Variants in TMEM234 observed in about 807,000 individuals in gnomAD.
The protein encoded by TMEM234 is chromosome 1 open reading frame 91.
In TMEM234, 21 loss-of-function variants were observed where a neutral mutation model predicts 17.8. That is an observed-to-expected ratio of 1.18 (90% CI 0.84 to 1.70). The LOEUF (loss-of-function observed/expected upper bound fraction) is 1.70, where lower values mean the gene tolerates loss of function less well. TMEM234 is among the 40% of genes most tolerant of loss of function. The pLI is 0.00. For missense variants in TMEM234, 137 were observed against 166.9 expected (o/e 0.82, Z 0.99); for synonymous variants, 83 against 73.5 (o/e 1.13, Z -0.66).
chr1:32,215,785 C>T (rs1375444045), downstream of TMEM234: 32 of 1,540,630 alleles, frequency 2.1e-5, no homozygotes, highest in Non-Finnish European at 2.5e-5. Context: ...TTCTGTATGG[C>T]CTTCCACCTC....
At chr1:32,219,766 G>A (rs911458968) in intron 3 of TMEM234, among the ~76,000 whole-genome samples, 3 of 152,124 alleles carry the variant, frequency 2.0e-5, no homozygotes, top group African/African-American at 7.2e-5. Flanking sequence ...GATGCAGCAC[G>A]GTGCAGTGGA....
intron 3 of TMEM234, 130 bp from the exon 4 acceptor site, chr1:32,217,481 G>A: frequency 6.5e-7 from 1 of 1,538,014 alleles, no homozygotes; most frequent in Non-Finnish European, 8.7e-7. Context: ...TGAAGTCACA[G>A]CAAATCTCAG....
chr1:32,216,233 T>C lies in TMEM234; in HGVS notation c.*620A>G, dbSNP rs1450162210. On this transcript the variant is annotated 3_prime_UTR_variant, in exon 5 of 5. Coordinates refer to ENST00000309777, the MANE Select transcript of TMEM234 (RefSeq NM_019118.5). Reference sequence around the variant, plus strand: ...CCATAGATTTATTGACAGCTACTACTCGCCAGGTGTGCTGGAGTCAGGTGG... The same window carrying C: ...CCATAGATTTATTGACAGCTACTACCCGCCAGGTGTGCTGGAGTCAGGTGG... 6 of 1,203,868 alleles carry C rather than the reference T, an allele frequency of 5.0e-6. No homozygotes were observed. The highest frequency in any genetic ancestry group is 2.6e-5 in the East Asian group (1 of 38,830). 74.6% of individuals were successfully genotyped at this position (1,203,868 alleles called of 1,614,324 possible).
chr1:32,214,586 G>A (rs553010021), downstream of TMEM234: 69 of 603,446 alleles, frequency 1.1e-4, no homozygotes, highest in Middle Eastern at 1.3e-3. Flanking sequence ...ACTGGGCATC[G>A]AGGAGTGCCA....
In TMEM234 at chr1:32,216,996, T is replaced by C. The variant is rs776878691; in HGVS notation, c.329-49A>G. On this transcript the variant is annotated intron_variant, in intron 4 of 4. Transcript: ENST00000309777. ...GAGGGTCTGAGCTCAGCCATGCCAGTAGGAGCTGGTACAGGGCTGGAGGAA... is the reference window on the plus strand; with the variant it reads ...GAGGGTCTGAGCTCAGCCATGCCAGCAGGAGCTGGTACAGGGCTGGAGGAA... The C allele has an allele frequency of 1.7e-5, 28 of 1,612,436 alleles. No individual in the cohort carries two copies. The South Asian group carries it at 2.5e-4, about 15-fold the overall frequency.
At chr1:32,215,429 C>T (rs977012866), downstream of TMEM234, 2 of 1,605,742 alleles carry the variant, frequency 1.2e-6, no homozygotes, top group African/African-American at 1.3e-5. Flanking sequence ...AGTGCTGCCT[C>T]CCCTCTTTAG....
Position 32,216,496 on chromosome 1 carries a change from G to A in TMEM234, c.*357C>T. On this transcript the variant is annotated 3_prime_UTR_variant, in exon 5 of 5. Transcript: ENST00000309777. Reference sequence around the variant, plus strand: ...TGCAGCTGGCCCTTTCCATGCAGCTGGAGTTCTGCAGTCCATGGAACCTGC... The same window carrying A: ...TGCAGCTGGCCCTTTCCATGCAGCTAGAGTTCTGCAGTCCATGGAACCTGC... The A allele has an allele frequency of 6.4e-7, 1 of 1,551,732 alleles. No individual in the cohort carries two copies. Among genetic ancestry groups the A allele is most frequent in the African/African-American group, 1.4e-5 (1 of 73,160 alleles).
chr1:32,218,609 C>G (rs181331917), intron 3 of TMEM234, among the ~76,000 whole-genome samples: 87 of 151,988 alleles, frequency 5.7e-4, no homozygotes, highest in Non-Finnish European at 7.5e-4. Context: ...TAGAGACCAG[C>G]GTGACCAACA....
chr1:32,215,848 C>A, downstream of TMEM234: 1 of 1,552,950 alleles, frequency 6.4e-7, no homozygotes, highest in Non-Finnish European at 8.7e-7. Flanking sequence ...GAAAACCAGC[C>A]TGGGGCTGGG....
rs758823760 is a variant in TMEM234, at chr1:32,217,593, G to A, written c.236-242C>T. ...TGGGACCAGCCTGGTTTGATAATGA[G>A]AATGAGGTCTTTGCACTCAAAGAGA... On this transcript the variant is annotated intron_variant, in intron 3 of 4. Coordinates refer to ENST00000309777, the MANE Select transcript of TMEM234 (RefSeq NM_019118.5). 4.8e-6 allele frequency: 4 copies of A among 831,300 alleles called. No individual in the cohort carries two copies. The South Asian group carries it at 5.8e-5, about 12-fold the overall frequency. 51.5% of individuals were successfully genotyped at this position (831,300 alleles called of 1,614,324 possible). A position where few individuals can be genotyped will look rare whatever the true frequency, so the allele number is the denominator to read the frequency against.
chr1:32,221,071 C>T (rs138985992), intron 3 of TMEM234, 60 bp downstream of exon 3: 6 of 1,449,998 alleles, frequency 4.1e-6, no homozygotes, highest in South Asian at 1.2e-5. Flanking sequence ...CCCGCCCCCC[C>T]CAATCACTCT....
At chr1:32,222,234 G>C in intron 1 of TMEM234, 73 bp downstream of exon 1, 2 of 1,524,874 alleles carry the variant, frequency 1.3e-6, no homozygotes, top group Non-Finnish European at 1.8e-6. Context: ...GGGTTAGAGG[G>C]TGGATGTGGA....
chr1:32,222,106 G>GC, intron 1 of TMEM234, 88 bp from the exon 2 acceptor site: 1 of 1,502,336 alleles, frequency 6.7e-7, no homozygotes, highest in Non-Finnish European at 8.9e-7. Context: ...CCAGCTAGCC[G>GC]CCCCCACTTC....
At chr1:32,217,111 A>G (rs1315045161) in intron 4 of TMEM234, 148 bp downstream of exon 4, 10 of 1,569,192 alleles carry the variant, frequency 6.4e-6, no homozygotes, top group Non-Finnish European at 8.6e-6. Context: ...GATGGCCACA[A>G]GGAAGCAAAA....
chr1:32,215,017 A>G (rs1638260777), downstream of TMEM234: 2 of 1,539,870 alleles, frequency 1.3e-6, no homozygotes, highest in African/African-American at 2.8e-5. Context: ...GGGGATGTCC[A>G]TGGGAGCAGA....
chr1:32,214,562 C>T (rs1026952747), downstream of TMEM234: 17 of 539,746 alleles, frequency 3.1e-5, no homozygotes, highest in Non-Finnish European at 5.6e-5. Flanking sequence ...GGTGGGGAAG[C>T]ACAGTCTGGT....
intron 3 of TMEM234, chr1:32,217,682 G>C (rs1638530922): frequency 2.1e-6 from 1 of 486,500 alleles, no homozygotes; most frequent in Non-Finnish European, 3.9e-6. Context: ...AGGATGAGTA[G>C]AGAGTCAGGT....
rs749166537 is a variant in TMEM234 at position 32,221,140 on chromosome 1, C to G, written c.226G>C (p.Ala76Pro). The change falls in exon 3 of 5, where the codon GCA becomes CCA. Residue 76 changes from alanine to proline, a missense_variant. Coordinates refer to ENST00000309777, the MANE Select transcript of TMEM234 (RefSeq NM_019118.5). ...CCAAGCCAGGACCCACCTGTCGATG[C>G]CAAGGTGAGGTAATAGAGAAGGGAT... is the stretch of plus-strand genomic sequence containing the variant. ...CGSLLYYLTL[A>P]STDLTLAVPI... 1.2e-6 allele frequency: 2 copies of G among 1,612,954 alleles called. No homozygotes were observed. Among genetic ancestry groups the G allele is most frequent in the South Asian group, 2.2e-5 (2 of 90,876 alleles).
downstream of TMEM234, chr1:32,215,103 C>G (rs2124214816): frequency 1.1e-6 from 1 of 937,130 alleles, no homozygotes; most frequent in South Asian, 2.0e-5. Flanking sequence ...GCTCAGGAGA[C>G]TGCCCGTAAA....
Sources: gnomAD v4.1 joint callset for allele counts (sites outside exome capture counted in the v4.1 genomes callset) on GRCh38, gnomAD v4.1.1 for gene constraint, MANE v1.5 for transcripts, NCBI Gene and HGNC (gene_info 2026-07-23, HGNC 2026-07-21) for gene names.